UNC13C: variants seen among roughly 807,000 people sequenced by gnomAD.
UNC13C encodes the protein unc-13 homolog C, also known as protein unc-13 homolog C.
A neutral mutation model predicts 245.4 loss-of-function variants in UNC13C; 174 were observed. The observed-to-expected ratio is 0.71, with a 90% CI of 0.63 to 0.80. The LOEUF (loss-of-function observed/expected upper bound fraction) is 0.80. UNC13C is among the 30% of genes least tolerant of loss of function. The pLI is 0.00. For synonymous variants in UNC13C, 992 were observed against 895.1 expected (o/e 1.11, Z -1.93); for missense variants, 2,829 against 2,602.9 (o/e 1.09, Z -1.89).
At chr15:54,089,393 C>T (rs541132186) in intron 2 of UNC13C, among the ~76,000 whole-genome samples, 75 of 152,182 alleles carry the variant, frequency 4.9e-4, no homozygotes, top group African/African-American at 1.7e-3. Context: ...CCTGGGTTTG[C>T]GCTTGAGATG....
At chr15:54,117,738 T>C (rs2030371597) in intron 2 of UNC13C, among the ~76,000 whole-genome samples, 1 of 152,016 alleles carries the variant, frequency 6.6e-6, no homozygotes, top group African/African-American at 2.4e-5. Flanking sequence ...ATGCCACTAG[T>C]GCAGCTATTT....
chr15:54,164,312 A>C (rs74990649), intron 4 of UNC13C, among the ~76,000 whole-genome samples: 2,840 of 152,248 alleles, frequency 0.019, 72 homozygotes, highest in East Asian at 0.091. Flanking sequence ...CTTTTTAAAA[A>C]ATTGTAGTAG....
intron 2 of UNC13C, among the ~76,000 whole-genome samples, chr15:54,141,093 C>G (rs966562046): frequency 1.3e-5 from 2 of 152,064 alleles, no homozygotes; most frequent in Non-Finnish European, 2.9e-5. Context: ...ATATAAAGTA[C>G]TCATTCAAAA....
chr15:54,287,807 G>A (rs73413846), intron 10 of UNC13C, among the ~76,000 whole-genome samples: 17 of 152,138 alleles, frequency 1.1e-4, no homozygotes, highest in Non-Finnish European at 2.2e-4. Flanking sequence ...TGTACTTATA[G>A]CATCTGCCAC....
intron 19 of UNC13C, among the ~76,000 whole-genome samples, chr15:54,493,115 A>C (rs2141085681): frequency 6.6e-6 from 1 of 152,348 alleles, no homozygotes; most frequent in Admixed American, 6.5e-5. Flanking sequence ...TCTGGGTTTC[A>C]GGGTAGTATT....
At chr15:54,261,800 C>T (rs1481426347) in intron 8 of UNC13C, among the ~76,000 whole-genome samples, 2 of 152,164 alleles carry the variant, frequency 1.3e-5, no homozygotes, top group Non-Finnish European at 1.5e-5. Context: ...GCCTCGGCCT[C>T]CCAAAGTGCT....
intron 14 of UNC13C, among the ~76,000 whole-genome samples, chr15:54,326,649 G>A (rs138289762): frequency 1.4e-4 from 21 of 152,078 alleles, no homozygotes; most frequent in African/African-American, 3.6e-4. Flanking sequence ...GGGGAGAAGT[G>A]GGGAAAGGGA....
At chr15:54,262,001 A>G (rs1017374379) in intron 8 of UNC13C, among the ~76,000 whole-genome samples, 4 of 152,232 alleles carry the variant, frequency 2.6e-5, no homozygotes, top group African/African-American at 9.6e-5. Flanking sequence ...AATAACAGCA[A>G]TAATACATAA....
chr15:54,453,106 C>G (rs1891272135), intron 19 of UNC13C, among the ~76,000 whole-genome samples: 1 of 152,168 alleles, frequency 6.6e-6, no homozygotes. Context: ...CTCATTCTCT[C>G]TCTCTAAAGC....
intron 9 of UNC13C, 80 bp from the exon 10 acceptor site, chr15:54,265,275 C>T: frequency 1.7e-6 from 2 of 1,204,116 alleles, no homozygotes; most frequent in East Asian, 3.0e-5. Flanking sequence ...AACCAAATGA[C>T]AGAAAAATTG....
At chr15:54,190,576 A>T (rs901091190) in intron 4 of UNC13C, among the ~76,000 whole-genome samples, 1 of 152,096 alleles carries the variant, frequency 6.6e-6, no homozygotes, top group Non-Finnish European at 1.5e-5. Flanking sequence ...ACCTACAAAT[A>T]TAGAGTCACT....
intron 17 of UNC13C, among the ~76,000 whole-genome samples, chr15:54,349,443 G>A (rs576995989): frequency 4.0e-5 from 6 of 151,882 alleles, no homozygotes; most frequent in African/African-American, 1.4e-4. Context: ...TGTTGTATTA[G>A]TAAAACTAGT....
chr15:54,280,969 T>G (rs951581026), intron 10 of UNC13C, among the ~76,000 whole-genome samples: 3 of 151,804 alleles, frequency 2.0e-5, no homozygotes, highest in Non-Finnish European at 4.4e-5. Flanking sequence ...GGGAAATTTT[T>G]GTATGTTTAG....
chr15:54,507,293 CA>C, intron 23 of UNC13C, 99 bp downstream of exon 23: 1 of 773,954 alleles, frequency 1.3e-6, no homozygotes, highest in Non-Finnish European at 2.1e-6. Flanking sequence ...TCAGTTTTCA[CA>C]TAGGATAATA....
chr15:54,027,754 T>C (rs894026832), intron 2 of UNC13C, among the ~76,000 whole-genome samples: 4 of 152,030 alleles, frequency 2.6e-5, no homozygotes, highest in African/African-American at 9.7e-5. Flanking sequence ...GCAGTTTATT[T>C]GACACACTGT....
At chr15:54,288,640 G>C (rs2037211859) in intron 10 of UNC13C, among the ~76,000 whole-genome samples, 2 of 152,062 alleles carry the variant, frequency 1.3e-5, no homozygotes, top group African/African-American at 2.4e-5. Context: ...ACTAAAAAAG[G>C]GAAGGAGAGG....
chr15:54,084,037 C>G (rs1899101936), intron 2 of UNC13C, among the ~76,000 whole-genome samples: 1 of 152,340 alleles, frequency 6.6e-6, no homozygotes, highest in East Asian at 1.9e-4. Flanking sequence ...AACAGTTTGG[C>G]AGGCAGCAGA....
chr15:54,484,893 G>C (rs367956288), intron 19 of UNC13C, among the ~76,000 whole-genome samples: 1 of 152,120 alleles, frequency 6.6e-6, no homozygotes, highest in African/African-American at 2.4e-5. Context: ...AGATTTGAGT[G>C]TTTTAATAAA....
At position 54,428,150 on chromosome 15, in the gene UNC13C, G is replaced by A. The variant is rs573774305; in HGVS notation, c.4933+13083G>A. 4.6e-5 allele frequency among the ~76,000 whole-genome samples: 7 copies of A among 151,854 alleles called. No homozygotes were observed. The South Asian group carries it at 1.0e-3, about 22-fold the overall frequency. On this transcript the variant is annotated intron_variant, in intron 19 of 32. Coordinates refer to ENST00000260323, the MANE Select transcript of UNC13C (RefSeq NM_001080534.3). ...ACTCCATGAGTGCTTAAACTTTGTA[G>A]ACTCAGATATCTCTTTAATTCTAAA...
Sources: allele counts gnomAD v4.1 joint callset (sites outside exome capture counted in the v4.1 genomes callset), GRCh38; gene constraint gnomAD v4.1.1; transcripts MANE v1.5; gene names NCBI Gene and HGNC (gene_info 2026-07-23, HGNC 2026-07-21).